The following EDC4 variants were observed in gnomAD, a reference collection of about 807,000 sequenced individuals.
EDC4 encodes the protein enhancer of mRNA-decapping protein 4.
In EDC4, 64 loss-of-function variants were observed where a neutral mutation model predicts 155.8. The ratio of observed to expected loss-of-function variants is 0.41; its 90% CI spans 0.34 to 0.51. The LOEUF (loss-of-function observed/expected upper bound fraction) is 0.51, where lower values mean the gene tolerates loss of function less well. Among genes scored for constraint, EDC4 ranks in the 20% least tolerant of loss-of-function variants. The pLI is 0.19. For synonymous variants in EDC4, 684 were observed against 716.8 expected (o/e 0.95, Z 0.73); for missense variants, 1,303 against 1,812.5 (o/e 0.72, Z 5.10).
chr16:67,882,033 C>A lies in EDC4; in HGVS notation c.3084C>A (p.Ser1028=). 6.2e-7 allele frequency: 1 copy of A among 1,612,624 alleles called. No individual in the cohort carries two copies. Among genetic ancestry groups the A allele is most frequent in the Non-Finnish European group, 8.5e-7 (1 of 1,179,612 alleles). The change falls in exon 23 of 29, where the codon TCC becomes TCA. Residue 1028 remains serine (S), a synonymous_variant. Coordinates refer to ENST00000358933, the MANE Select transcript of EDC4 (RefSeq NM_014329.5). This position sits in a 1 kb window ranked among gnomAD's most constrained non-coding sequence, Gnocchi z 7.2. The part of the protein sequence containing the change: ...QLQEQLTQQL[S]QALSSAVAGR... ...AGGAGCAGCTGACACAACAGTTGTC[C>A]CAAGCACTGTCGTCAGCTGTAGCTG...
Position 67,876,492 on chromosome 16 carries a change from C to G in EDC4, c.244C>G (p.Leu82Val). Residue 82 changes from leucine (L) to valine (V), a missense_variant, in exon 3 of 29, where the codon CTC becomes GTC. Around this residue, in one of 5 missense-constraint regions of EDC4, gnomAD observed 99 missense variants for 121.3 expected, o/e 0.82. Transcript: ENST00000358933. This position sits in a 1 kb window ranked among gnomAD's most constrained non-coding sequence, Gnocchi z 5.8. ...INLQEKQVIC[L>V]SGDDSSTCIG... ...TTTTTGCACTCTTCCCCACAGCTGT[C>G]TCTCAGGAGATGATAGCTCCACCTG... is the stretch of plus-strand genomic sequence containing the variant. 6.2e-7 allele frequency: 1 copy of G among 1,613,968 alleles called. No homozygotes were observed. Among genetic ancestry groups the G allele is most frequent in the South Asian group, 1.1e-5 (1 of 91,066 alleles).
In EDC4 at chr16:67,879,884, G is replaced by A; in HGVS notation, c.1856G>A (p.Ser619Asn). Residue 619 changes from serine (S) to asparagine (N), a missense_variant, in exon 16 of 29, where the codon AGC becomes AAC. Around this residue, in one of 5 missense-constraint regions of EDC4, gnomAD observed 391 missense variants for 445.4 expected, o/e 0.88. Transcript: ENST00000358933. This position sits in a 1 kb window ranked among gnomAD's most constrained non-coding sequence, Gnocchi z 6.0. ...TCTCCCAGCAGCAGCAGCAGCGGTA[G>A]CAGCAGCAGCAGCAGCAGTAGCAGC... Reference protein sequence around the residue: ...TASPSSSSSGSSSSSSSSSSS... With the variant: ...TASPSSSSSGNSSSSSSSSSS... 6.3e-7 allele frequency: 1 copy of A among 1,593,190 alleles called. No homozygotes were observed. Among genetic ancestry groups the A allele is most frequent in the Non-Finnish European group, 8.6e-7 (1 of 1,168,600 alleles).
In EDC4 at chr16:67,883,672, C is replaced by T. The variant is rs760534909; in HGVS notation, c.3954C>T (p.Leu1318=). The change falls in exon 28 of 29, where the codon CTC becomes CTT. Residue 1318 remains leucine (L), a synonymous_variant. Coordinates refer to ENST00000358933, the MANE Select transcript of EDC4 (RefSeq NM_014329.5). This position sits in a 1 kb window ranked among gnomAD's most constrained non-coding sequence, Gnocchi z 5.3. Reference sequence around the variant, plus strand: ...CCTGCCCGCTCTCCCAGCCTGTGCTCCTTTCCCTCATCCAGCAGCTGGCAT... The same window carrying T: ...CCTGCCCGCTCTCCCAGCCTGTGCTTCTTTCCCTCATCCAGCAGCTGGCAT... ...QPPCPLSQPV[L]LSLIQQLASD... is the part of the protein sequence containing the mutation. 3 of 1,614,218 alleles carry T rather than the reference C, an allele frequency of 1.9e-6. No homozygotes were observed. The highest frequency in any genetic ancestry group is 1.6e-4 in the Middle Eastern group (1 of 6,062).
In EDC4 at chr16:67,877,149, G is replaced by C. The variant is rs1473508989; in HGVS notation, c.452-68G>C. ...CTGGTGGTGGCAGGGAGACAGGTGG[G>C]GCAGCGCTTCTCTGCTACTGCCTGA... On this transcript the variant is annotated intron_variant, in intron 4 of 28. Coordinates refer to ENST00000358933, the MANE Select transcript of EDC4 (RefSeq NM_014329.5). This position sits in a 1 kb window ranked among gnomAD's most constrained non-coding sequence, Gnocchi z 4.9. The C allele has an allele frequency of 1.3e-6, 2 of 1,549,490 alleles. No homozygotes were observed. Among genetic ancestry groups the C allele is most frequent in the Admixed American group, 1.9e-5 (1 of 53,506 alleles).
At position 67,878,158 on chromosome 16, in the gene EDC4, C is replaced by A. The variant is rs770746611; in HGVS notation, c.895-8C>A. 2 of 1,614,110 alleles carry A rather than the reference C, an allele frequency of 1.2e-6. No individual in the cohort carries two copies. Among genetic ancestry groups the A allele is most frequent in the Non-Finnish European group, 1.7e-6 (2 of 1,180,018 alleles). On this transcript the variant is annotated splice_polypyrimidine_tract_variant and splice_region_variant and intron_variant, in intron 7 of 28. Coordinates refer to ENST00000358933, the MANE Select transcript of EDC4 (RefSeq NM_014329.5). This position sits in a 1 kb window ranked among gnomAD's most constrained non-coding sequence, Gnocchi z 5.2. ...TCTAGTCAGCAAAGCTTTTTGGGTT[C>A]TTTCTAGTGCCTCAGTGAAGGAGCC...
Position 67,884,272 on chromosome 16 carries a change from C to A in EDC4, c.*124C>A. ...CCCCATCTCTGGGGTGTTTGGGGGT[C>A]AGGGAGCAGGGAGCACTGGCCGTGG... On this transcript the variant is annotated 3_prime_UTR_variant, in exon 29 of 29. Transcript: ENST00000358933. The surrounding 1 kb of genome is among the most constrained non-coding windows in gnomAD (Gnocchi z 4.1). 1 of 881,004 alleles carries A rather than the reference C, an allele frequency of 1.1e-6. No homozygotes were observed. Among genetic ancestry groups the A allele is most frequent in the Non-Finnish European group, 1.7e-6 (1 of 595,560 alleles). The allele number at this position is 881,004 out of a possible 1,614,324, so 54.6% of individuals were successfully genotyped here. A position where few individuals can be genotyped will look rare whatever the true frequency, so the allele number is the denominator to read the frequency against.
In EDC4 at chr16:67,879,880, G is replaced by A. The variant is rs199729328; in HGVS notation, c.1852G>A (p.Gly618Ser). The A allele has an allele frequency of 1.4e-5, 23 of 1,611,582 alleles. No individual in the cohort carries two copies. The highest frequency in any genetic ancestry group is 4.4e-5 in the South Asian group (4 of 91,014). Residue 618 changes from glycine (G) to serine (S), a missense_variant, in exon 16 of 29, where the codon GGT (glycine) becomes AGT (serine). This residue lies in a region of EDC4 where 391 missense variants were observed against 445.4 expected (regional missense o/e 0.88). Coordinates refer to ENST00000358933, the MANE Select transcript of EDC4 (RefSeq NM_014329.5). This position sits in a 1 kb window ranked among gnomAD's most constrained non-coding sequence, Gnocchi z 6.0. ...ITASPSSSSSGSSSSSSSSSS... is the reference protein window; with the variant it reads ...ITASPSSSSSSSSSSSSSSSS... The stretch of plus-strand genomic sequence containing the variant: ...TGCCTCTCCCAGCAGCAGCAGCAGC[G>A]GTAGCAGCAGCAGCAGCAGCAGTAG...
chr16:67,876,451 T>C lies in EDC4; in HGVS notation c.240-37T>C. On this transcript the variant is annotated intron_variant, in intron 2 of 28. Coordinates refer to ENST00000358933, the MANE Select transcript of EDC4 (RefSeq NM_014329.5). The surrounding 1 kb of genome is among the most constrained non-coding windows in gnomAD (Gnocchi z 5.8). ...CAACCCTGCCCGCTGAGCCTTTGGG[T>C]GAACAAGAGGCAAAGTTTTTGCACT... is the stretch of plus-strand genomic sequence containing the variant. The C allele has an allele frequency of 6.2e-7, 1 of 1,608,858 alleles. No individual in the cohort carries two copies. The highest frequency in any genetic ancestry group is 8.5e-7 in the Non-Finnish European group (1 of 1,176,860).
At position 67,880,528 on chromosome 16, in the gene EDC4, C is replaced by T; in HGVS notation, c.2098-29C>T. The T allele has an allele frequency of 6.2e-7, 1 of 1,607,282 alleles. No homozygotes were observed. The highest frequency in any genetic ancestry group is 8.5e-7 in the Non-Finnish European group (1 of 1,175,742). ...CCCATCTCTGCCTCACTTCCTGTCA[C>T]TTAAGCCCCCATCTTTGGCCCACCT... On this transcript the variant is annotated intron_variant, in intron 17 of 28. Transcript: ENST00000358933. The surrounding 1 kb of genome is among the most constrained non-coding windows in gnomAD (Gnocchi z 5.2).
chr16:67,878,839 G>T lies in EDC4; in HGVS notation c.1287G>T (p.Lys429Asn). The T allele has an allele frequency of 6.2e-7, 1 of 1,613,450 alleles. No individual in the cohort carries two copies. The part of the protein sequence containing the change: ...EYLILSDVQR[K>N]VLYVMELLQN... ...TGATTCTCAGCGATGTGCAACGGAAGGTAGGCTGCCATGGGGTACCCTGGG... is the reference window on the plus strand; with the variant it reads ...TGATTCTCAGCGATGTGCAACGGAATGTAGGCTGCCATGGGGTACCCTGGG... The change falls in exon 11 of 29, where the codon AAG becomes AAT. Residue 429 changes from lysine to asparagine, a missense_variant and splice_region_variant. Physicochemically the swap from Lys to Asn is moderately conservative, Grantham distance 94. Transcript: ENST00000358933. This position sits in a 1 kb window ranked among gnomAD's most constrained non-coding sequence, Gnocchi z 5.2.
chr16:67,878,609 T>C lies in EDC4; in HGVS notation c.1162T>C (p.Trp388Arg). ...RELKMWCTVS[W>R]TCLQTIRFSP... ...GTTAAAGATGTGGTGTACAGTATCCTGGACCTGCCTGCAGACTATTCGGTA... is the reference window on the plus strand; with the variant it reads ...GTTAAAGATGTGGTGTACAGTATCCCGGACCTGCCTGCAGACTATTCGGTA... Residue 388 changes from tryptophan (W) to arginine (R), a missense_variant, in exon 10 of 29, where the codon TGG becomes CGG. Trp to Arg is a moderately radical substitution (Grantham distance 101). Coordinates refer to ENST00000358933, the MANE Select transcript of EDC4 (RefSeq NM_014329.5). This position sits in a 1 kb window ranked among gnomAD's most constrained non-coding sequence, Gnocchi z 5.2. 1 of 1,614,198 alleles carries C rather than the reference T, an allele frequency of 6.2e-7. No individual in the cohort carries two copies. Among genetic ancestry groups the C allele is most frequent in the East Asian group, 2.2e-5 (1 of 44,884 alleles).
Position 67,878,059 on chromosome 16 carries a change from C to G in EDC4, c.895-107C>G, listed in dbSNP as rs2058049307. The G allele has an allele frequency of 6.5e-7, 1 of 1,538,254 alleles. No individual in the cohort carries two copies. Among genetic ancestry groups the G allele is most frequent in the East Asian group, 2.4e-5 (1 of 41,930 alleles). Reference sequence around the variant, plus strand: ...GGAACCCTGTTCATTTAGTCAGTCACACAAGCATGCCAGTCCCACCGTGAG... The same window carrying G: ...GGAACCCTGTTCATTTAGTCAGTCAGACAAGCATGCCAGTCCCACCGTGAG... On this transcript the variant is annotated intron_variant, in intron 7 of 28. Coordinates refer to ENST00000358933, the MANE Select transcript of EDC4 (RefSeq NM_014329.5). This position sits in a 1 kb window ranked among gnomAD's most constrained non-coding sequence, Gnocchi z 5.2.
In EDC4 at chr16:67,883,915, T is replaced by G. The variant is rs375227497; in HGVS notation, c.4014-41T>G. ...GCCACCAGGGGGCGCTCCCGTCTGC[T>G]GGCACCCACCTGTAGCCTGTCCTTT... On this transcript the variant is annotated intron_variant, in intron 28 of 28. Transcript: ENST00000358933. The surrounding 1 kb of genome is among the most constrained non-coding windows in gnomAD (Gnocchi z 5.3). 1.9e-6 allele frequency: 3 copies of G among 1,555,338 alleles called. No individual in the cohort carries two copies. The African/African-American group carries it at 4.1e-5, about 21-fold the overall frequency.
Position 67,880,604 on chromosome 16 carries a change from G to C in EDC4, c.2145G>C (p.Glu715Asp). 2 of 1,614,122 alleles carry C rather than the reference G, an allele frequency of 1.2e-6. No homozygotes were observed. The highest frequency in any genetic ancestry group is 1.7e-6 in the Non-Finnish European group (2 of 1,180,026). ...TGTCCCTGGAGCTGCAGGAAGTGGAGCCCCTGGGGCTACCCCAAGCCTCCC... is the reference window on the plus strand; with the variant it reads ...TGTCCCTGGAGCTGCAGGAAGTGGACCCCCTGGGGCTACCCCAAGCCTCCC... Reference protein sequence around the residue: ...SALSLELQEVEPLGLPQASPS... With the variant: ...SALSLELQEVDPLGLPQASPS... The change falls in exon 18 of 29, where the codon GAG becomes GAC. Residue 715 changes from glutamate to aspartate, a missense_variant. Coordinates refer to ENST00000358933, the MANE Select transcript of EDC4 (RefSeq NM_014329.5). This position sits in a 1 kb window ranked among gnomAD's most constrained non-coding sequence, Gnocchi z 5.2.
Position 67,880,775 on chromosome 16 carries a change from C to T in EDC4, c.2316C>T (p.Ala772=), listed in dbSNP as rs767938162. The part of the protein sequence containing the change: ...EGLEPDSMAS[A]ASALHLLSPR... ...TTGAGCCAGACAGTATGGCTTCAGC[C>T]GCCTCGGCACTGCACCTGCTGTCCC... Residue 772 remains alanine, a synonymous_variant, in exon 18 of 29, where the codon GCC becomes GCT. Transcript: ENST00000358933. The surrounding 1 kb of genome is among the most constrained non-coding windows in gnomAD (Gnocchi z 5.2). The T allele has an allele frequency of 2.5e-5, 41 of 1,613,980 alleles. No homozygotes were observed. The highest frequency in any genetic ancestry group is 1.3e-4 in the South Asian group (12 of 91,090).
In EDC4 at chr16:67,881,051, T is replaced by C. The variant is rs1384434867; in HGVS notation, c.2532-25T>C. On this transcript the variant is annotated intron_variant, in intron 18 of 28. Coordinates refer to ENST00000358933, the MANE Select transcript of EDC4 (RefSeq NM_014329.5). This position sits in a 1 kb window ranked among gnomAD's most constrained non-coding sequence, Gnocchi z 5.4. Reference sequence around the variant, plus strand: ...GAGGGGCTTCAGATAGATTCATCCATGGCTAAGTTGGCCTGTCCTCCCAGC... The same window carrying C: ...GAGGGGCTTCAGATAGATTCATCCACGGCTAAGTTGGCCTGTCCTCCCAGC... 6.2e-7 allele frequency: 1 copy of C among 1,613,872 alleles called. No individual in the cohort carries two copies. The highest frequency in any genetic ancestry group is 8.5e-7 in the Non-Finnish European group (1 of 1,180,012).
rs757338620 is a variant in EDC4 at position 67,876,857 on chromosome 16, C to T, written c.352-16C>T. On this transcript the variant is annotated splice_polypyrimidine_tract_variant and intron_variant, in intron 3 of 28. Transcript: ENST00000358933. The surrounding 1 kb of genome is among the most constrained non-coding windows in gnomAD (Gnocchi z 5.8). Reference sequence around the variant, plus strand: ...TCTGGGGAAGTTCCATGACTTTTCTCACCCTGGGTTCTCAGGTGAAAATTC... The same window carrying T: ...TCTGGGGAAGTTCCATGACTTTTCTTACCCTGGGTTCTCAGGTGAAAATTC... The T allele has an allele frequency of 1.2e-6, 2 of 1,613,012 alleles. No homozygotes were observed. Among genetic ancestry groups the T allele is most frequent in the Non-Finnish European group, 1.7e-6 (2 of 1,179,312 alleles).
At position 67,880,124 on chromosome 16, in the gene EDC4, A is replaced by G. The variant is rs1471531057; in HGVS notation, c.2005A>G (p.Ser669Gly). The G allele has an allele frequency of 1.2e-6, 2 of 1,613,044 alleles. No homozygotes were observed. The highest frequency in any genetic ancestry group is 3.3e-5 in the Admixed American group (2 of 59,966). Residue 669 changes from serine to glycine, a missense_variant, in exon 17 of 29, where the codon AGC (serine) becomes GGC (glycine). This residue lies in a region of EDC4 where 391 missense variants were observed against 445.4 expected (regional missense o/e 0.88). Coordinates refer to ENST00000358933, the MANE Select transcript of EDC4 (RefSeq NM_014329.5). This position sits in a 1 kb window ranked among gnomAD's most constrained non-coding sequence, Gnocchi z 5.2. ...LQLDGSLTMS[S>G]SGSLQASPRG... ...GCTGGATGGCAGCCTGACAATGAGCAGCAGTGGCAGCCTTCAGGCAAGCCC... is the reference window on the plus strand; with the variant it reads ...GCTGGATGGCAGCCTGACAATGAGCGGCAGTGGCAGCCTTCAGGCAAGCCC...
Position 67,880,168 on chromosome 16 carries a change from C to T in EDC4, c.2049C>T (p.Gly683=). The T allele has an allele frequency of 1.2e-6, 2 of 1,612,346 alleles. No homozygotes were observed. The highest frequency in any genetic ancestry group is 1.7e-6 in the Non-Finnish European group (2 of 1,179,576). The change falls in exon 17 of 29, where the codon GGC becomes GGT. Residue 683 remains glycine (G), a synonymous_variant. Transcript: ENST00000358933. This position sits in a 1 kb window ranked among gnomAD's most constrained non-coding sequence, Gnocchi z 5.2. ...LQASPRGLLP[G]LLPAPADKLT... Reference sequence around the variant, plus strand: ...CAAGCCCGCGTGGCCTCCTGCCTGGCCTGCTCCCAGCCCCAGCTGACAAAC... The same window carrying T: ...CAAGCCCGCGTGGCCTCCTGCCTGGTCTGCTCCCAGCCCCAGCTGACAAAC...
Sources: gnomAD v4.1 joint callset for allele counts on GRCh38, gnomAD v4.1.1 for gene constraint, gnomAD v4.1.1 regional missense constraint, Gnocchi (gnomAD v3.1) non-coding constraint, MANE v1.5 for transcripts, NCBI Gene and HGNC (gene_info 2026-07-23, HGNC 2026-07-21) for gene names.